Variants in HTR1E observed in about 807,000 individuals in gnomAD.
The protein encoded by HTR1E is 5-hydroxytryptamine receptor 1E.
Under a neutral mutation model 3.4 loss-of-function variants are expected in HTR1E, and 3 were observed. That is an observed-to-expected ratio of 0.89 (90% CI 0.41 to 2.31). The LOEUF (loss-of-function observed/expected upper bound fraction) is 2.31. Ranked by LOEUF, HTR1E falls within the 30% of genes most tolerant of loss-of-function variation. HTR1E has a pLI of 0.05. For synonymous variants in HTR1E, 170 were observed against 182.8 expected (o/e 0.93, Z 0.56); for missense variants, 392 against 467.0 (o/e 0.84, Z 1.48).
At chr6:86,955,393 C>G (rs554809586) in intron 1 of HTR1E, among the ~76,000 whole-genome samples, 3 of 152,320 alleles carry the variant, frequency 2.0e-5, no homozygotes, top group African/African-American at 7.2e-5. Flanking sequence ...AATGGAACTT[C>G]TCTCACAGAT....
intron 1 of HTR1E, among the ~76,000 whole-genome samples, chr6:86,958,937 CGTGTGTGT>C (rs55871033): frequency 0.012 from 1,671 of 140,046 alleles, 18 homozygotes; most frequent in African/African-American, 0.022. Flanking sequence ...ACCAATTGCA[CGTGTGTGT>C]GTGTGTGTGT....
chr6:86,959,550 T>C (rs568792013), intron 1 of HTR1E, among the ~76,000 whole-genome samples: 4 of 152,274 alleles, frequency 2.6e-5, no homozygotes, highest in African/African-American at 9.6e-5. Flanking sequence ...GCCACTGCAC[T>C]CCAGCGACTA....
At chr6:86,961,572 C>A (rs1042005511) in intron 1 of HTR1E, among the ~76,000 whole-genome samples, 11 of 152,296 alleles carry the variant, frequency 7.2e-5, no homozygotes, top group African/African-American at 2.6e-4. Flanking sequence ...CACTTCCATG[C>A]CCCTCTTTTG....
chr6:86,993,899 CAAAT>C (rs148599020), intron 1 of HTR1E, among the ~76,000 whole-genome samples: 1 of 151,624 alleles, frequency 6.6e-6, no homozygotes, highest in East Asian at 1.9e-4. Context: ...ACACTTGAAA[CAAAT>C]AAAATAACAG....
chr6:86,995,336 A>G (rs1767922043), intron 1 of HTR1E, among the ~76,000 whole-genome samples: 1 of 146,460 alleles, frequency 6.8e-6, no homozygotes, highest in African/African-American at 2.5e-5. Context: ...AGGTCTACAT[A>G]CGAATGAAAG....
chr6:87,016,524 G>T lies in HTR1E; in HGVS notation c.*92G>T. On this transcript the variant is annotated 3_prime_UTR_variant, in exon 2 of 2. Coordinates refer to ENST00000305344, the MANE Select transcript of HTR1E (RefSeq NM_000865.3). ...ACTTATTAATTCTTGAACATACTTG[G>T]TTCAGGAGAGTTTGTAAGTATGTGT... The T allele has an allele frequency of 9.4e-7, 1 of 1,068,114 alleles. No homozygotes were observed. Among genetic ancestry groups the T allele is most frequent in the East Asian group, 2.4e-5 (1 of 41,292 alleles). 66.2% of individuals were successfully genotyped at this position (1,068,114 alleles called of 1,614,324 possible).
At chr6:86,995,727 C>T (rs1297083332) in intron 1 of HTR1E, among the ~76,000 whole-genome samples, 1 of 135,556 alleles carries the variant, frequency 7.4e-6, no homozygotes, top group Non-Finnish European at 1.6e-5. Context: ...CAACTATATG[C>T]TGTCTGCAAA....
chr6:86,951,069 G>A (rs1305991971), intron 1 of HTR1E, among the ~76,000 whole-genome samples: 3 of 152,144 alleles, frequency 2.0e-5, no homozygotes, highest in African/African-American at 7.2e-5. Context: ...TTGTCATGAT[G>A]ATTTTGATAA....
At position 87,009,874 on chromosome 6, in the gene HTR1E, G is replaced by A. The variant is rs1187577224; in HGVS notation, c.-185-5276G>A. Among the ~76,000 whole-genome samples, 198 of 114,514 alleles carry A rather than the reference G, an allele frequency of 1.7e-3. 12 individuals are homozygous for A. Among genetic ancestry groups the A allele is most frequent in the African/African-American group, 7.0e-3 (176 of 25,294 alleles). 75.1% of individuals were successfully genotyped at this position (114,514 alleles called of 152,430 possible). On this transcript the variant is annotated intron_variant, in intron 1 of 1. Coordinates refer to ENST00000305344, the MANE Select transcript of HTR1E (RefSeq NM_000865.3). The stretch of plus-strand genomic sequence containing the variant: ...TCCCTCCCGGACGGGGCGGCTGGCC[G>A]GGCGGGGGGCCGACCTCCCCACCTC...
intron 1 of HTR1E, among the ~76,000 whole-genome samples, chr6:86,950,066 A>G (rs980864875): frequency 2.6e-5 from 4 of 152,228 alleles, no homozygotes; most frequent in African/African-American, 4.8e-5. Context: ...TTCCATCACA[A>G]GTTAGTCTAA....
intron 1 of HTR1E, among the ~76,000 whole-genome samples, chr6:86,976,714 C>T (rs1268853405): frequency 6.6e-6 from 1 of 152,184 alleles, no homozygotes; most frequent in East Asian, 1.9e-4. Flanking sequence ...TTCATCACGT[C>T]AATGTGTCTG....
At chr6:86,969,874 TG>T (rs571669580) in intron 1 of HTR1E, among the ~76,000 whole-genome samples, 14 of 152,246 alleles carry the variant, frequency 9.2e-5, no homozygotes, top group Admixed American at 2.6e-4. Context: ...GAACTTGGCC[TG>T]GGGAGCCTGA....
chr6:86,961,590 C>T (rs1028059468), intron 1 of HTR1E, among the ~76,000 whole-genome samples: 17 of 152,138 alleles, frequency 1.1e-4, no homozygotes, highest in African/African-American at 3.4e-4. Context: ...TTGCCAAGTG[C>T]GTCAGCGTGT....
At chr6:86,942,100 A>G (rs1031275115) in intron 1 of HTR1E, among the ~76,000 whole-genome samples, 1 of 152,164 alleles carries the variant, frequency 6.6e-6, no homozygotes, top group East Asian at 1.9e-4. Context: ...ACGCTTGTAC[A>G]CTGTTGGGCA....
At position 86,989,929 on chromosome 6, in the gene HTR1E, CT is replaced by C. The variant is rs1298187953; in HGVS notation, c.-185-25219del. 1.3e-5 allele frequency among the ~76,000 whole-genome samples: 2 copies of C among 152,126 alleles called. 1 individual carries two copies. The highest frequency in any genetic ancestry group is 2.9e-5 in the Non-Finnish European group (2 of 68,002). On this transcript the variant is annotated intron_variant, in intron 1 of 1. Coordinates refer to ENST00000305344, the MANE Select transcript of HTR1E (RefSeq NM_000865.3). ...AAAAAAAAAGATACCTACAAATCTC[CT>C]TCTTGAACATGCCCTTTGAGGTGGC...
chr6:86,983,619 T>C (rs1472253487), intron 1 of HTR1E, among the ~76,000 whole-genome samples: 2 of 152,184 alleles, frequency 1.3e-5, no homozygotes, highest in Non-Finnish European at 2.9e-5. Context: ...GTGACTATAG[T>C]TAATAATTTT....
At chr6:87,000,780 A>G (rs1434828781) in intron 1 of HTR1E, among the ~76,000 whole-genome samples, 1 of 152,252 alleles carries the variant, frequency 6.6e-6, no homozygotes. Flanking sequence ...GGGGGACATT[A>G]ATGAGCAATA....
intron 1 of HTR1E, among the ~76,000 whole-genome samples, chr6:86,939,878 C>T (rs1228351220): frequency 2.0e-5 from 3 of 152,204 alleles, no homozygotes; most frequent in African/African-American, 4.8e-5. Context: ...TGCAACTCAG[C>T]GTGATGTCAC....
At chr6:86,943,548 A>G (rs775418637) in intron 1 of HTR1E, among the ~76,000 whole-genome samples, 1 of 152,194 alleles carries the variant, frequency 6.6e-6, no homozygotes, top group Non-Finnish European at 1.5e-5. Flanking sequence ...GAAGTTTCTC[A>G]AAACAGAATA....
Sources: gnomAD v4.1 joint callset for allele counts (sites outside exome capture counted in the v4.1 genomes callset) on GRCh38, gnomAD v4.1.1 for gene constraint, MANE v1.5 for transcripts, NCBI Gene and HGNC (gene_info 2026-07-23, HGNC 2026-07-21) for gene names.